The following RAB3IL1 variants were observed in gnomAD, a reference collection of about 807,000 sequenced individuals.
RAB3IL1 encodes the protein RAB3A interacting protein like 1.
Under a neutral mutation model 49.2 loss-of-function variants are expected in RAB3IL1, and 37 were observed. The ratio of observed to expected loss-of-function variants is 0.75; its 90% CI spans 0.58 to 0.99. The LOEUF is 0.99. RAB3IL1 is among the 50% of genes least tolerant of loss of function. The pLI is 0.00. For synonymous variants in RAB3IL1, 193 were observed against 213.9 expected (o/e 0.90, Z 0.85); for missense variants, 484 against 513.0 (o/e 0.94, Z 0.55).
chr11:61,929,447 T>A, the RAB3IL1 span, among the ~76,000 whole-genome samples: 1 of 125,952 alleles, frequency 7.9e-6, no homozygotes, highest in Non-Finnish European at 2.0e-5. Context: ...AGAGGTGCAG[T>A]GAGCTGCCGA....
chr11:61,944,254 C>CCTTCCTTCCTTCCTTCCTTT, the RAB3IL1 span, among the ~76,000 whole-genome samples: 3 of 150,052 alleles, frequency 2.0e-5, no homozygotes, highest in Middle Eastern at 3.2e-3. Context: ...TTCCTTCCTT[C>CCTTCCTTCCTTCCTTCCTTT]CTTCCTTCCT....
intron 8 of RAB3IL1, among the ~76,000 whole-genome samples, chr11:61,901,209 T>A (rs901230587): frequency 1.3e-5 from 2 of 152,176 alleles, no homozygotes; most frequent in African/African-American, 2.4e-5. Context: ...TTCCTCAAGC[T>A]GTGTCACTGG....
chr11:61,922,605 G>A (rs575889057), upstream of RAB3IL1, among the ~76,000 whole-genome samples: 15 of 125,970 alleles, frequency 1.2e-4, no homozygotes, highest in African/African-American at 4.0e-4. Context: ...CCTTCCTTCA[G>A]TGTTTCCTGC....
upstream of RAB3IL1, among the ~76,000 whole-genome samples, chr11:61,918,881 C>T (rs532098775): frequency 2.6e-5 from 4 of 152,340 alleles, no homozygotes; most frequent in Non-Finnish European, 5.9e-5. Context: ...AGCCATCACT[C>T]AGCAGGGCAG....
chr11:61,940,927 A>AG, the RAB3IL1 span, among the ~76,000 whole-genome samples: 1 of 151,980 alleles, frequency 6.6e-6, no homozygotes, highest in East Asian at 1.9e-4. Context: ...CTCAAAAAAA[A>AG]AAATGTAAAA....
the RAB3IL1 span, among the ~76,000 whole-genome samples, chr11:61,934,801 T>G: frequency 6.6e-6 from 1 of 152,144 alleles, no homozygotes; most frequent in Non-Finnish European, 1.5e-5. Flanking sequence ...AAGATTTTTA[T>G]CACTGTTCTA....
In RAB3IL1 at chr11:61,899,338, G is replaced by T. The variant is rs751285912; in HGVS notation, c.1042C>A (p.Gln348Lys). The T allele has an allele frequency of 6.2e-7, 1 of 1,608,446 alleles. No homozygotes were observed. Among genetic ancestry groups the T allele is most frequent in the Non-Finnish European group, 8.5e-7 (1 of 1,179,786 alleles). The change falls in exon 9 of 10, where the codon CAG becomes AAG. Residue 348 changes from glutamine (Q) to lysine (K), a missense_variant. Coordinates refer to ENST00000394836, the MANE Select transcript of RAB3IL1 (RefSeq NM_013401.4). Reference sequence around the variant, plus strand: ...CCGTCCTGCCGCACCAGGCCTTGCTGGATGTAGCGGATGTAGGTGAAGAAG... The same window carrying T: ...CCGTCCTGCCGCACCAGGCCTTGCTTGATGTAGCGGATGTAGGTGAAGAAG... ...CNFFTYIRYI[Q>K]QGLVRQDAEP...
At chr11:61,904,686 G>A in intron 6 of RAB3IL1, 28 bp from the exon 7 acceptor site, 1 of 1,599,336 alleles carries the variant, frequency 6.3e-7, no homozygotes, top group Non-Finnish European at 8.5e-7. Flanking sequence ...GGCAGGCAGG[G>A]TGGTAAGGGG....
chr11:61,902,136 G>A (rs174470), intron 8 of RAB3IL1, among the ~76,000 whole-genome samples: 26,003 of 151,980 alleles, frequency 0.17, 2,438 homozygotes, highest in East Asian at 0.33. Flanking sequence ...CCAACGTGGT[G>A]AAACCCCATC....
the RAB3IL1 span, among the ~76,000 whole-genome samples, chr11:61,931,122 G>A: frequency 2.0e-5 from 3 of 152,142 alleles, no homozygotes; most frequent in Admixed American, 6.5e-5. Context: ...AAAGCGAACC[G>A]ATAAGCAATT....
intron 7 of RAB3IL1, among the ~76,000 whole-genome samples, chr11:61,903,669 G>A (rs1426897951): frequency 1.3e-5 from 2 of 152,054 alleles, no homozygotes; most frequent in African/African-American, 2.4e-5. Context: ...GATTACAGGC[G>A]TGTGCCACCA....
At chr11:61,902,377 G>A in intron 8 of RAB3IL1, 65 bp downstream of exon 8, 1 of 1,365,526 alleles carries the variant, frequency 7.3e-7, no homozygotes, top group Non-Finnish European at 1.0e-6. Context: ...CAGGCCCAGG[G>A]CCCAGTGTCC....
chr11:61,926,104 C>CAAAAAAAA, the RAB3IL1 span, among the ~76,000 whole-genome samples: 31 of 64,018 alleles, frequency 4.8e-4, no homozygotes, highest in African/African-American at 7.2e-4. Context: ...TCCTTCCTGC[C>CAAAAAAAA]AAAAAAAAAA....
chr11:61,903,148 C>T (rs760599248), intron 7 of RAB3IL1, among the ~76,000 whole-genome samples: 2 of 152,112 alleles, frequency 1.3e-5, no homozygotes, highest in Non-Finnish European at 2.9e-5. Context: ...CTGGGCCCCA[C>T]TCCCCAAACC....
At chr11:61,915,802 CT>C (rs1469816735) in intron 1 of RAB3IL1, among the ~76,000 whole-genome samples, 1 of 152,154 alleles carries the variant, frequency 6.6e-6, no homozygotes, top group Non-Finnish European at 1.5e-5. Context: ...CTTTGGGAGG[CT>C]GAGGCGGGCG....
Position 61,906,337 on chromosome 11 carries a change from C to A in RAB3IL1, c.657+129G>T. The A allele has an allele frequency of 1.1e-6, 1 of 871,518 alleles. No individual in the cohort carries two copies. Among genetic ancestry groups the A allele is most frequent in the Non-Finnish European group, 1.8e-6 (1 of 554,164 alleles). The allele number at this position is 871,518 out of a possible 1,614,324, so 54.0% of individuals were successfully genotyped here. Reference sequence around the variant, plus strand: ...GAAAGGACCTGCCCAGCCCTCACATCCCAGAGAGGCGCAGGACAGGCTCCA... The same window carrying A: ...GAAAGGACCTGCCCAGCCCTCACATACCAGAGAGGCGCAGGACAGGCTCCA... On this transcript the variant is annotated intron_variant, in intron 5 of 9. Transcript: ENST00000394836. This position sits in a 1 kb window ranked among gnomAD's most constrained non-coding sequence, Gnocchi z 4.6.
intron 5 of RAB3IL1, among the ~76,000 whole-genome samples, chr11:61,905,714 C>T (rs528769858): frequency 1.6e-4 from 25 of 152,258 alleles, no homozygotes; most frequent in African/African-American, 5.8e-4. Flanking sequence ...AGGATGGAGT[C>T]GAGTGGGCTG....
Position 61,899,809 on chromosome 11 carries a change from C to G in RAB3IL1, c.1000-429G>C, listed in dbSNP as rs900254473. 8 of 193,048 alleles carry G rather than the reference C, an allele frequency of 4.1e-5. No homozygotes were observed. In the East Asian group the frequency reaches 1.1e-3, roughly 26 times the overall value. 12.0% of individuals were successfully genotyped at this position (193,048 alleles called of 1,614,324 possible). A position where few individuals can be genotyped will look rare whatever the true frequency, so the allele number is the denominator to read the frequency against. On this transcript the variant is annotated intron_variant, in intron 8 of 9. Transcript: ENST00000394836. The stretch of plus-strand genomic sequence containing the variant: ...TGCTCCAGATGCTGGAGTTTTGGGC[C>G]AGCCAGGCCTCAGTCCAGTGCTACT...
At chr11:61,936,766 A>C in the RAB3IL1 span, among the ~76,000 whole-genome samples, 9 of 152,252 alleles carry the variant, frequency 5.9e-5, no homozygotes, top group Admixed American at 5.9e-4. Context: ...TGATATATTC[A>C]GAAAATGCTG....
Sources: allele counts gnomAD v4.1 joint callset (sites outside exome capture counted in the v4.1 genomes callset), GRCh38; gene constraint gnomAD v4.1.1; non-coding constraint Gnocchi (gnomAD v3.1); transcripts MANE v1.5; gene names NCBI Gene and HGNC (gene_info 2026-07-23, HGNC 2026-07-21).